The following CFI variants were observed in gnomAD, a reference collection of about 807,000 sequenced individuals.
The protein encoded by CFI is complement factor I, also known as C3B/C4B inactivator.
A neutral mutation model predicts 78.8 loss-of-function variants in CFI; 66 were observed. The ratio of observed to expected loss-of-function variants is 0.84; its 90% CI spans 0.69 to 1.03. The LOEUF is 1.03. Among genes scored for constraint, CFI ranks in the 50% least tolerant of loss-of-function variants. The pLI, the probability that CFI is intolerant of heterozygous loss-of-function variation, is 0.00. For synonymous variants in CFI, 250 were observed against 232.6 expected (o/e 1.07, Z -0.68); for missense variants, 706 against 704.5 (o/e 1.00, Z -0.02).
chr4:109,780,714 A>T (rs1729900836), intron 1 of CFI, among the ~76,000 whole-genome samples: 1 of 152,196 alleles, frequency 6.6e-6, no homozygotes, highest in South Asian at 2.1e-4. Flanking sequence ...TTATTGCGGC[A>T]CTATTCACAA....
intron 1 of CFI, among the ~76,000 whole-genome samples, chr4:109,783,467 C>T (rs1341709440): frequency 6.6e-6 from 1 of 151,960 alleles, no homozygotes; most frequent in Non-Finnish European, 1.5e-5. Flanking sequence ...ATCAAAACCA[C>T]AATGTGATAC....
At chr4:109,799,987 T>C (rs1397167701) in intron 1 of CFI, among the ~76,000 whole-genome samples, 4 of 152,196 alleles carry the variant, frequency 2.6e-5, no homozygotes, top group African/African-American at 9.7e-5. Context: ...CCTTTGACTG[T>C]TTTCCAGAGT....
intron 1 of CFI, among the ~76,000 whole-genome samples, chr4:109,777,679 A>T (rs1385657146): frequency 1.3e-5 from 2 of 152,248 alleles, no homozygotes; most frequent in Non-Finnish European, 2.9e-5. Context: ...CAGAATATAC[A>T]TTCTTCTCAG....
At chr4:109,756,204 A>G (rs937452332) in intron 7 of CFI, among the ~76,000 whole-genome samples, 4 of 152,008 alleles carry the variant, frequency 2.6e-5, no homozygotes, top group Non-Finnish European at 5.9e-5. Flanking sequence ...TGAGTCAAAC[A>G]AGACAGGGGC....
chr4:109,736,173 G>T (rs1579138878), downstream of CFI, among the ~76,000 whole-genome samples: 1 of 150,856 alleles, frequency 6.6e-6, no homozygotes. Context: ...AGGAAAATTT[G>T]TTTTTCTTCT....
rs773826081 is a variant in CFI, at chr4:109,764,701, A to G, written c.329-11T>C. The G allele has an allele frequency of 6.2e-7, 1 of 1,611,126 alleles. No individual in the cohort carries two copies. Among genetic ancestry groups the G allele is most frequent in the Non-Finnish European group, 8.5e-7 (1 of 1,178,850 alleles). ...AAACACTAAACTTTCCTAAAATAAA[A>G]AAACAAAATAATGTGCAATATGTAG... is the stretch of plus-strand genomic sequence containing the variant. On this transcript the variant is annotated splice_polypyrimidine_tract_variant and intron_variant, in intron 2 of 12. Coordinates refer to ENST00000394634, the MANE Select transcript of CFI (RefSeq NM_000204.5).
chr4:109,757,621 G>A (rs1301129991), intron 7 of CFI, 142 bp downstream of exon 7: 11 of 589,948 alleles, frequency 1.9e-5, no homozygotes, highest in Non-Finnish European at 2.7e-5. Context: ...AGGCCTCTAC[G>A]CCTAAACTAA....
rs1298636963 is a variant in CFI at position 109,747,928 on chromosome 4, ATGC to A, written c.1148+1287_1148+1289del. Among the ~76,000 whole-genome samples, 11 of 152,286 alleles carry A rather than the reference ATGC, an allele frequency of 7.2e-5. 1 individual carries two copies. In the South Asian group the frequency reaches 2.3e-3, roughly 32 times the overall value. On this transcript the variant is annotated intron_variant, in intron 10 of 12. Transcript: ENST00000394634. The stretch of plus-strand genomic sequence containing the variant: ...GGGTTTGCACTCCTATGAGAATCTA[ATGC>A]TGCTGCTGATCTGACAGGAGGTGGA...
intron 1 of CFI, among the ~76,000 whole-genome samples, chr4:109,798,053 A>G (rs747960448): frequency 6.6e-6 from 1 of 152,214 alleles, no homozygotes; most frequent in East Asian, 1.9e-4. Flanking sequence ...AACCTAGAGG[A>G]CATTAATCTA....
At chr4:109,760,038 T>C (rs1726833088) in intron 6 of CFI, 1 of 668,806 alleles carries the variant, frequency 1.5e-6, no homozygotes, top group East Asian at 2.9e-5. Context: ...TGGTCTATTT[T>C]TTGTATGTGC....
At chr4:109,761,083 A>C (rs536234912) in intron 4 of CFI, among the ~76,000 whole-genome samples, 59 of 152,296 alleles carry the variant, frequency 3.9e-4, no homozygotes, top group African/African-American at 1.3e-3. Flanking sequence ...TGTATGACTA[A>C]AATATTCCAG....
At chr4:109,775,524 C>T (rs953425803) in intron 1 of CFI, among the ~76,000 whole-genome samples, 1 of 152,206 alleles carries the variant, frequency 6.6e-6, no homozygotes, top group Non-Finnish European at 1.5e-5. Context: ...GTGGAGCCCA[C>T]CACAGCTCAA....
At chr4:109,789,568 T>C (rs10049804) in intron 1 of CFI, among the ~76,000 whole-genome samples, 64,467 of 151,888 alleles carry the variant, frequency 0.42, 14,766 homozygotes, top group African/African-American at 0.57. Flanking sequence ...CTATACCCAG[T>C]AAAAATATCA....
intron 1 of CFI, among the ~76,000 whole-genome samples, chr4:109,791,344 C>T (rs186511770): frequency 7.1e-4 from 108 of 151,846 alleles, no homozygotes; most frequent in Non-Finnish European, 1.5e-3. Context: ...AGATATTAGA[C>T]CTTTGTCAGA....
At chr4:109,781,962 C>T (rs928687700) in intron 1 of CFI, among the ~76,000 whole-genome samples, 13 of 152,050 alleles carry the variant, frequency 8.5e-5, no homozygotes, top group African/African-American at 3.1e-4. Flanking sequence ...TCTAACATCG[C>T]TTTAGGATTA....
intron 1 of CFI, among the ~76,000 whole-genome samples, chr4:109,794,683 T>C (rs889360351): frequency 3.3e-5 from 5 of 152,024 alleles, no homozygotes; most frequent in African/African-American, 4.8e-5. Context: ...ATTCCAGCTA[T>C]TCAGGGGGCT....
At chr4:109,766,974 C>T (rs1727845693) in intron 1 of CFI, 150 bp from the exon 2 acceptor site, 2 of 722,268 alleles carry the variant, frequency 2.8e-6, no homozygotes, top group South Asian at 3.5e-5. Context: ...AGAAATAATG[C>T]CGCATATCTA....
chr4:109,784,128 C>T (rs1353106630), intron 1 of CFI, among the ~76,000 whole-genome samples: 1 of 151,662 alleles, frequency 6.6e-6, no homozygotes, highest in Non-Finnish European at 1.5e-5. Context: ...CACAAATCAC[C>T]ACTAAAGAAC....
At chr4:109,765,653 AGCACATGAAGCACCT>A (rs1727642312) in intron 2 of CFI, among the ~76,000 whole-genome samples, 1 of 152,150 alleles carries the variant, frequency 6.6e-6, no homozygotes, top group African/African-American at 2.4e-5. Flanking sequence ...CAGCCTCCTC[AGCACATGAAGCACCT>A]GGAAGGGACT....
Sources: allele counts gnomAD v4.1 joint callset (sites outside exome capture counted in the v4.1 genomes callset), GRCh38; gene constraint gnomAD v4.1.1; transcripts MANE v1.5; gene names NCBI Gene and HGNC (gene_info 2026-07-23, HGNC 2026-07-21).